SDK1: variants seen among roughly 807,000 people sequenced by gnomAD.
SDK1 encodes the protein protein sidekick-1.
In SDK1, 157 loss-of-function variants were observed where a neutral mutation model predicts 245.5. The ratio of observed to expected loss-of-function variants is 0.64; its 90% CI spans 0.56 to 0.73. The LOEUF (loss-of-function observed/expected upper bound fraction) is 0.73. Among genes scored for constraint, SDK1 ranks in the 30% least tolerant of loss-of-function variants. SDK1 has a pLI of 0.00. For synonymous variants in SDK1, 1,647 were observed against 1,278.5 expected, an observed-to-expected ratio of 1.29 and a Z score of -6.15; for missense variants, 3,583 against 3,002.3, an observed-to-expected ratio of 1.19 and a Z score of -4.52.
At chr7:3,390,013 T>C (rs1467908410) in intron 1 of SDK1, among the ~76,000 whole-genome samples, 2 of 152,120 alleles carry the variant, frequency 1.3e-5, no homozygotes, top group Admixed American at 1.3e-4. Flanking sequence ...GGATCATTGT[T>C]ATATAGTGGC....
intron 1 of SDK1, among the ~76,000 whole-genome samples, chr7:3,360,617 A>G (rs1224365045): frequency 6.6e-6 from 1 of 152,194 alleles, no homozygotes; most frequent in Non-Finnish European, 1.5e-5. Flanking sequence ...AAATTTTCTT[A>G]GGAATATATG....
At chr7:3,847,136 TCA>T (rs1562486881) in intron 5 of SDK1, among the ~76,000 whole-genome samples, 2 of 152,020 alleles carry the variant, frequency 1.3e-5, no homozygotes, top group African/African-American at 4.8e-5. Flanking sequence ...TTCATGCCTC[TCA>T]CGTACACCTG....
At chr7:3,331,707 C>T (rs576512769) in intron 1 of SDK1, among the ~76,000 whole-genome samples, 1 of 152,144 alleles carries the variant, frequency 6.6e-6, no homozygotes, top group East Asian at 1.9e-4. Context: ...AAACACCTTT[C>T]CTTTGGATAC....
intron 25 of SDK1, 21 bp downstream of exon 25, chr7:4,114,295 A>T (rs1294709661): frequency 6.4e-7 from 1 of 1,557,548 alleles, no homozygotes; most frequent in Non-Finnish European, 8.7e-7. Context: ...GGCGATTCCC[A>T]TCCTGGAGAC....
At chr7:4,170,329 C>A (rs2128216004) in intron 32 of SDK1, among the ~76,000 whole-genome samples, 1 of 152,148 alleles carries the variant, frequency 6.6e-6, no homozygotes, top group East Asian at 1.9e-4. Flanking sequence ...GGTCTGTAGT[C>A]CCAGCTACTC....
At chr7:3,911,123 A>T (rs1016886608) in intron 5 of SDK1, among the ~76,000 whole-genome samples, 1 of 152,212 alleles carries the variant, frequency 6.6e-6, no homozygotes, top group African/African-American at 2.4e-5. Context: ...TGTAACTGGG[A>T]CAAAAGTTGA....
chr7:3,836,828 C>T (rs1285020146), intron 5 of SDK1, among the ~76,000 whole-genome samples: 6 of 152,102 alleles, frequency 3.9e-5, no homozygotes, highest in African/African-American at 9.7e-5. Flanking sequence ...AACAGATGTT[C>T]ATTTTCTCAG....
At chr7:3,613,777 A>G (rs1922015) in intron 1 of SDK1, among the ~76,000 whole-genome samples, 52,399 of 152,002 alleles carry the variant, frequency 0.34, 9,306 homozygotes, top group South Asian at 0.46. Context: ...CATATACACC[A>G]TGGAATACTA....
chr7:3,382,967 C>A (rs933806645), intron 1 of SDK1, among the ~76,000 whole-genome samples: 1 of 152,150 alleles, frequency 6.6e-6, no homozygotes, highest in East Asian at 1.9e-4. Flanking sequence ...ACCTTTCTAT[C>A]TTCTCACTTT....
intron 2 of SDK1, 52 bp from the exon 3 acceptor site, chr7:3,638,952 A>T: frequency 2.7e-6 from 3 of 1,108,506 alleles, no homozygotes; most frequent in Non-Finnish European, 4.0e-6. Flanking sequence ...GGTTAGATAT[A>T]ACCATGAAAC....
intron 32 of SDK1, among the ~76,000 whole-genome samples, chr7:4,171,143 G>A (rs1303575452): frequency 1.3e-5 from 2 of 152,178 alleles, no homozygotes; most frequent in South Asian, 2.1e-4. Flanking sequence ...GTGCCTGCTG[G>A]AGAAAGGGGT....
intron 1 of SDK1, among the ~76,000 whole-genome samples, chr7:3,598,193 T>A (rs1277889189): frequency 6.6e-6 from 1 of 152,176 alleles, no homozygotes; most frequent in Non-Finnish European, 1.5e-5. Flanking sequence ...TTGTAGATCT[T>A]CCTTTAGGAA....
intron 35 of SDK1, among the ~76,000 whole-genome samples, chr7:4,193,671 A>G (rs1369358860): frequency 6.6e-6 from 1 of 152,052 alleles, no homozygotes; most frequent in Non-Finnish European, 1.5e-5. Flanking sequence ...AGCCACTCAC[A>G]TGGTAAGAGC....
intron 4 of SDK1, among the ~76,000 whole-genome samples, chr7:3,723,881 T>TATACACATACACGTGTATATACACGTAC (rs1778915179): frequency 1.5e-5 from 2 of 129,902 alleles, no homozygotes; most frequent in African/African-American, 6.7e-5. Context: ...TACACGTACA[T>TATACACATACACGTGTATATACACGTAC]ATATATATAC....
At chr7:3,447,781 C>T (rs1583871477) in intron 1 of SDK1, among the ~76,000 whole-genome samples, 1 of 149,686 alleles carries the variant, frequency 6.7e-6, no homozygotes. Flanking sequence ...CTCGGCTCAC[C>T]GCAACCTCTG....
chr7:3,507,944 A>T (rs1431376723), intron 1 of SDK1, among the ~76,000 whole-genome samples: 1 of 152,030 alleles, frequency 6.6e-6, no homozygotes, highest in African/African-American at 2.4e-5. Flanking sequence ...TCTTAATCTC[A>T]CTTGATTCCT....
At chr7:3,480,876 C>T (rs1425756463) in intron 1 of SDK1, among the ~76,000 whole-genome samples, 8 of 152,344 alleles carry the variant, frequency 5.3e-5, no homozygotes, top group South Asian at 2.1e-4. Flanking sequence ...GTGACGCTGG[C>T]ATCGGACTTC....
intron 19 of SDK1, among the ~76,000 whole-genome samples, chr7:4,060,691 G>C (rs1406703993): frequency 1.3e-5 from 2 of 152,030 alleles, no homozygotes; most frequent in Admixed American, 1.3e-4. Context: ...ATTGCTTTTG[G>C]TGTTTTAGAC....
At chr7:3,882,719 T>C (rs975556334) in intron 5 of SDK1, among the ~76,000 whole-genome samples, 1 of 152,302 alleles carries the variant, frequency 6.6e-6, no homozygotes, top group Middle Eastern at 3.4e-3. Flanking sequence ...TATTTACAAA[T>C]GAGCCTTCTT....
Sources: gnomAD v4.1 joint callset for allele counts (sites outside exome capture counted in the v4.1 genomes callset) on GRCh38, gnomAD v4.1.1 for gene constraint, MANE v1.5 for transcripts, NCBI Gene and HGNC (gene_info 2026-07-23, HGNC 2026-07-21) for gene names.